Variants in PTPRK observed in about 807,000 individuals in gnomAD.
The protein encoded by PTPRK is receptor-type tyrosine-protein phosphatase kappa.
Under a neutral mutation model 178.0 loss-of-function variants are expected in PTPRK, and 75 were observed. That is an observed-to-expected ratio of 0.42 (90% CI 0.35 to 0.51). PTPRK has a LOEUF of 0.51. Ranked by LOEUF, PTPRK falls within the 20% of genes least tolerant of loss-of-function variation. The probability of loss-of-function intolerance (pLI) is 0.02; values close to 1 mark genes in which losing one functional copy is unlikely to be tolerated. For missense variants in PTPRK, 1,441 were observed against 1,797.8 expected (o/e 0.80, Z 3.59); for synonymous variants, 637 against 620.6 (o/e 1.03, Z -0.39).
intron 3 of PTPRK, among the ~76,000 whole-genome samples, chr6:128,256,567 A>C (rs1817350890): frequency 6.6e-6 from 1 of 151,502 alleles, no homozygotes; most frequent in African/African-American, 2.4e-5. Flanking sequence ...CCTCCCGAGT[A>C]ACTGGGATTA....
chr6:128,075,230 G>C (rs1010344218), intron 11 of PTPRK, among the ~76,000 whole-genome samples: 3 of 151,954 alleles, frequency 2.0e-5, no homozygotes, highest in African/African-American at 7.2e-5. Flanking sequence ...CCAGCCTTCT[G>C]GATTATCCCC....
chr6:128,384,238 C>A (rs1838359268), intron 2 of PTPRK, among the ~76,000 whole-genome samples: 1 of 152,120 alleles, frequency 6.6e-6, no homozygotes, highest in Non-Finnish European at 1.5e-5. Context: ...TCCACACGCA[C>A]GATAGTCCAC....
intron 11 of PTPRK, among the ~76,000 whole-genome samples, chr6:128,071,592 G>A (rs539912753): frequency 6.6e-6 from 1 of 151,982 alleles, no homozygotes; most frequent in Non-Finnish European, 1.5e-5. Context: ...ATTCTCTAGT[G>A]GCATTTTACT....
intron 3 of PTPRK, among the ~76,000 whole-genome samples, chr6:128,250,203 C>A (rs1330910714): frequency 6.6e-6 from 1 of 152,142 alleles, no homozygotes; most frequent in Non-Finnish European, 1.5e-5. Flanking sequence ...ATGTCTTTAT[C>A]AGCAGCGTGA....
chr6:128,204,708 C>G (rs917535002), intron 6 of PTPRK, among the ~76,000 whole-genome samples: 11 of 148,094 alleles, frequency 7.4e-5, no homozygotes, highest in Non-Finnish European at 1.2e-4. Context: ...CAAATCAAAA[C>G]CACAAAGAGA....
chr6:128,020,473 G>T lies in PTPRK; in HGVS notation c.2195-11205C>A, dbSNP rs570209120. 2.6e-5 allele frequency among the ~76,000 whole-genome samples: 4 copies of T among 152,154 alleles called. No homozygotes were observed. The East Asian group carries it at 7.7e-4, about 29-fold the overall frequency. On this transcript the variant is annotated intron_variant, in intron 13 of 29. Transcript: ENST00000368226. ...ATTTTTTTCCCTCCCACAAACTACAGGACCAGAAAAGTCTCTTCTTCAGGG... is the reference window on the plus strand; with the variant it reads ...ATTTTTTTCCCTCCCACAAACTACATGACCAGAAAAGTCTCTTCTTCAGGG...
intron 13 of PTPRK, among the ~76,000 whole-genome samples, chr6:128,028,709 G>A (rs1044185408): frequency 6.6e-6 from 1 of 152,170 alleles, no homozygotes; most frequent in Admixed American, 6.6e-5. Context: ...CATATCCTAT[G>A]TATTTTTAGT....
At chr6:128,366,729 G>A (rs1835544845) in intron 2 of PTPRK, among the ~76,000 whole-genome samples, 1 of 152,150 alleles carries the variant, frequency 6.6e-6, no homozygotes, top group African/African-American at 2.4e-5. Context: ...GGATGTGGAG[G>A]CATGTCAAGT....
rs577265333 is a variant in PTPRK, at chr6:127,973,862, G to C, written c.3970-35C>G. The stretch of plus-strand genomic sequence containing the variant: ...GAAGTGTTTTTATGTAAATACGCTG[G>C]GACTACAATTTTTACTAAAAAGTAA... On this transcript the variant is annotated intron_variant, in intron 27 of 29. Transcript: ENST00000368226. 62 of 1,578,728 alleles carry C rather than the reference G, an allele frequency of 3.9e-5. 1 individual carries two copies. The highest frequency in any genetic ancestry group is 2.7e-4 in the Admixed American group (15 of 56,564).
intron 2 of PTPRK, among the ~76,000 whole-genome samples, chr6:128,336,014 A>G (rs1241516723): frequency 6.6e-6 from 1 of 152,220 alleles, no homozygotes; most frequent in African/African-American, 2.4e-5. Context: ...GAAATGCCAC[A>G]TTGACCAATG....
At chr6:128,176,303 G>A (rs1312378650) in intron 7 of PTPRK, among the ~76,000 whole-genome samples, 3 of 151,756 alleles carry the variant, frequency 2.0e-5, no homozygotes, top group Non-Finnish European at 4.4e-5. Flanking sequence ...TTAATTAACA[G>A]GTAATAATAA....
intron 2 of PTPRK, among the ~76,000 whole-genome samples, chr6:128,368,166 TCA>T (rs1030645093): frequency 2.6e-5 from 4 of 151,882 alleles, no homozygotes; most frequent in Non-Finnish European, 5.9e-5. Context: ...AAGCAAAGGC[TCA>T]CACACAGGGA....
intron 6 of PTPRK, among the ~76,000 whole-genome samples, chr6:128,196,902 T>A (rs1040757166): frequency 1.3e-5 from 2 of 152,082 alleles, no homozygotes; most frequent in African/African-American, 4.8e-5. Context: ...AAAAGAACCA[T>A]AAGACATAAA....
chr6:128,520,231 T>C (rs766479519), intron 1 of PTPRK, 28 bp downstream of exon 1: 1 of 1,553,904 alleles, frequency 6.4e-7, no homozygotes, highest in Non-Finnish European at 8.7e-7. Flanking sequence ...CTCCAGGCGT[T>C]CGTCGGGGAC....
At chr6:128,090,900 C>T (rs1050166785) in intron 7 of PTPRK, among the ~76,000 whole-genome samples, 2 of 152,100 alleles carry the variant, frequency 1.3e-5, no homozygotes, top group South Asian at 4.1e-4. Context: ...AAGGGATTTC[C>T]GATGCCTCTC....
At chr6:128,142,310 A>G (rs1478713168) in intron 7 of PTPRK, among the ~76,000 whole-genome samples, 2 of 152,012 alleles carry the variant, frequency 1.3e-5, no homozygotes, top group African/African-American at 4.8e-5. Flanking sequence ...AAAGAAACTG[A>G]TAAGCTGTCT....
intron 7 of PTPRK, among the ~76,000 whole-genome samples, chr6:128,091,784 CTCTATT>C (rs777727341): frequency 1.6e-4 from 24 of 152,082 alleles, no homozygotes; most frequent in Non-Finnish European, 1.6e-4. Flanking sequence ...GTATAAATTT[CTCTATT>C]TCTAAGTCAT....
intron 1 of PTPRK, among the ~76,000 whole-genome samples, chr6:128,398,635 A>C (rs538460676): frequency 6.6e-6 from 1 of 152,330 alleles, no homozygotes; most frequent in Admixed American, 6.5e-5. Context: ...CATAATAGCC[A>C]ATGAAACATA....
chr6:128,250,507 A>G (rs1357243648), intron 3 of PTPRK, among the ~76,000 whole-genome samples: 1 of 152,214 alleles, frequency 6.6e-6, no homozygotes, highest in East Asian at 1.9e-4. Flanking sequence ...ATGCAGTATC[A>G]GTGGATTAAC....
Sources: gnomAD v4.1 joint callset for allele counts (sites outside exome capture counted in the v4.1 genomes callset) on GRCh38, gnomAD v4.1.1 for gene constraint, MANE v1.5 for transcripts, NCBI Gene and HGNC (gene_info 2026-07-23, HGNC 2026-07-21) for gene names.